Variants in SGCZ observed in about 807,000 individuals in gnomAD.
SGCZ encodes the protein zeta-sarcoglycan.
SGCZ carries 40 observed loss-of-function variants against 41.3 expected under a neutral mutation model. The observed-to-expected ratio is 0.97, with a 90% confidence interval of 0.75 to 1.26. The LOEUF is 1.26. SGCZ is among the 50% of genes most tolerant of loss of function. The probability of loss-of-function intolerance (pLI) is 0.00; values close to 1 mark genes in which losing one functional copy is unlikely to be tolerated. For synonymous variants in SGCZ, 206 were observed against 137.5 expected, an observed-to-expected ratio of 1.50 and a Z score of -3.49; for missense variants, 552 against 369.8, an observed-to-expected ratio of 1.49 and a Z score of -4.04.
chr8:15,086,646 T>C (rs1297703282), intron 1 of SGCZ, among the ~76,000 whole-genome samples: 3 of 126,462 alleles, frequency 2.4e-5, no homozygotes, highest in Non-Finnish European at 4.9e-5. Flanking sequence ...TATTTGTCAA[T>C]TTAAAAATTC....
chr8:14,285,814 T>C (rs915253455), intron 3 of SGCZ, among the ~76,000 whole-genome samples: 1 of 151,718 alleles, frequency 6.6e-6, no homozygotes, highest in Non-Finnish European at 1.5e-5. Context: ...CAGTAAAGAG[T>C]GGAGAGAGGC....
intron 3 of SGCZ, among the ~76,000 whole-genome samples, chr8:14,293,682 T>A (rs1800919245): frequency 6.6e-6 from 1 of 151,904 alleles, no homozygotes; most frequent in African/African-American, 2.4e-5. Context: ...CGACTGAAAT[T>A]CATGGTCCCA....
chr8:14,359,894 A>G (rs553492458), intron 2 of SGCZ, among the ~76,000 whole-genome samples: 3 of 152,288 alleles, frequency 2.0e-5, no homozygotes, highest in East Asian at 3.9e-4. Context: ...AAATTCATCA[A>G]TATGTTAAAA....
chr8:14,732,766 G>C (rs926224070), intron 1 of SGCZ, among the ~76,000 whole-genome samples: 2 of 152,018 alleles, frequency 1.3e-5, no homozygotes, highest in South Asian at 2.1e-4. Flanking sequence ...TGATAGAGAA[G>C]TATTTTATAA....
At chr8:14,161,510 A>C (rs1443036526) in intron 5 of SGCZ, among the ~76,000 whole-genome samples, 1 of 152,192 alleles carries the variant, frequency 6.6e-6, no homozygotes, top group Non-Finnish European at 1.5e-5. Flanking sequence ...TCTCTAATTT[A>C]CCATTTATTG....
chr8:14,439,639 T>A (rs1018516465), intron 2 of SGCZ, among the ~76,000 whole-genome samples: 3 of 151,828 alleles, frequency 2.0e-5, no homozygotes, highest in Non-Finnish European at 2.9e-5. Context: ...AAAAAATCAA[T>A]CAATATAATC....
At chr8:14,614,612 C>A (rs1806035532) in intron 1 of SGCZ, among the ~76,000 whole-genome samples, 1 of 152,116 alleles carries the variant, frequency 6.6e-6, no homozygotes, top group African/African-American at 2.4e-5. Context: ...GTCTCACCAC[C>A]TTTGATTCTA....
At chr8:14,488,337 G>A (rs1018887950) in intron 2 of SGCZ, among the ~76,000 whole-genome samples, 5 of 152,160 alleles carry the variant, frequency 3.3e-5, no homozygotes, top group Non-Finnish European at 5.9e-5. Flanking sequence ...CCATCGCCAC[G>A]GTTAAAGTAA....
At chr8:15,003,146 GT>G (rs1317197464) in intron 1 of SGCZ, among the ~76,000 whole-genome samples, 2 of 152,092 alleles carry the variant, frequency 1.3e-5, no homozygotes, top group Non-Finnish European at 1.5e-5. Context: ...GAGGTATATT[GT>G]TGTCTTGGGA....
At chr8:14,692,884 G>T (rs184722729) in intron 1 of SGCZ, among the ~76,000 whole-genome samples, 1 of 152,180 alleles carries the variant, frequency 6.6e-6, no homozygotes, top group African/African-American at 2.4e-5. Flanking sequence ...ACGCGATATC[G>T]AAGATGCAAA....
chr8:14,849,977 C>T (rs1803257128), intron 1 of SGCZ, among the ~76,000 whole-genome samples: 1 of 152,160 alleles, frequency 6.6e-6, no homozygotes, highest in African/African-American at 2.4e-5. Context: ...TTTCTTTTTA[C>T]ATAGGCATTG....
At chr8:14,514,811 GTGTA>G (rs201074304) in intron 2 of SGCZ, among the ~76,000 whole-genome samples, 30,574 of 73,308 alleles carry the variant, frequency 0.42, 3,894 homozygotes, top group Middle Eastern at 0.49. Context: ...GTGTGTGTGT[GTGTA>G]TATATACACG....
intron 1 of SGCZ, among the ~76,000 whole-genome samples, chr8:14,614,645 C>G (rs1806036521): frequency 6.6e-6 from 1 of 151,940 alleles, no homozygotes; most frequent in Admixed American, 6.6e-5. Flanking sequence ...GTTGGTACTA[C>G]CAACAGTTCA....
At chr8:15,015,918 T>C (rs1241351797) in intron 1 of SGCZ, among the ~76,000 whole-genome samples, 2 of 152,062 alleles carry the variant, frequency 1.3e-5, no homozygotes, top group African/African-American at 4.8e-5. Context: ...CCATATCTCC[T>C]TTTTCATTTC....
intron 1 of SGCZ, among the ~76,000 whole-genome samples, chr8:14,983,977 T>A (rs540148339): frequency 1.3e-5 from 2 of 152,336 alleles, no homozygotes; most frequent in East Asian, 3.9e-4. Context: ...TTTAGACTTA[T>A]ACCCAATCAG....
chr8:14,497,940 T>C (rs1168192543), intron 2 of SGCZ, among the ~76,000 whole-genome samples: 1 of 152,204 alleles, frequency 6.6e-6, no homozygotes, highest in East Asian at 1.9e-4. Context: ...TCCCATCCAT[T>C]GCCCATAAAG....
At chr8:14,663,196 A>T (rs1807809991) in intron 1 of SGCZ, among the ~76,000 whole-genome samples, 1 of 152,184 alleles carries the variant, frequency 6.6e-6, no homozygotes, top group Non-Finnish European at 1.5e-5. Context: ...AGAATTCTTA[A>T]ATAGGGACAA....
intron 1 of SGCZ, among the ~76,000 whole-genome samples, chr8:14,889,125 G>A (rs1480696): frequency 0.34 from 51,240 of 151,904 alleles, 11,515 homozygotes; most frequent in African/African-American, 0.64. Context: ...TTCTGCTGCA[G>A]TTTAAACCAT....
chr8:14,417,457 G>A (rs1799524191), intron 2 of SGCZ, among the ~76,000 whole-genome samples: 1 of 151,616 alleles, frequency 6.6e-6, no homozygotes, highest in Admixed American at 6.6e-5. Context: ...TTTCCCCAGT[G>A]ATTATTATTT....
Sources: allele counts gnomAD v4.1 joint callset (sites outside exome capture counted in the v4.1 genomes callset), GRCh38; gene constraint gnomAD v4.1.1; transcripts MANE v1.5; gene names NCBI Gene and HGNC (gene_info 2026-07-23, HGNC 2026-07-21).